SOX5: variants seen among roughly 807,000 people sequenced by gnomAD.
SOX5 encodes SRY-box transcription factor 5, also known as transcription factor SOX-5.
In SOX5, 9 loss-of-function variants were observed where a neutral mutation model predicts 92.0. The ratio of observed to expected loss-of-function variants is 0.10; its 90% CI spans 0.06 to 0.17. The LOEUF is 0.17. SOX5 is among the 10% of genes least tolerant of loss of function. The probability of loss-of-function intolerance (pLI) is 1.00; values close to 1 mark genes in which losing one functional copy is unlikely to be tolerated. For missense variants in SOX5, 642 were observed against 944.5 expected (o/e 0.68, Z 4.20); for synonymous variants, 344 against 336.3 (o/e 1.02, Z -0.25).
At chr12:24,068,322 A>C (rs1183303933) in intron 4 of SOX5, among the ~76,000 whole-genome samples, 1 of 152,170 alleles carries the variant, frequency 6.6e-6, no homozygotes, top group Non-Finnish European at 1.5e-5. Context: ...TGTTCACAAA[A>C]ATTTGGAACC....
chr12:23,669,489 G>T (rs2084389262), intron 6 of SOX5, among the ~76,000 whole-genome samples: 1 of 152,020 alleles, frequency 6.6e-6, no homozygotes, highest in Non-Finnish European at 1.5e-5. Flanking sequence ...TCCCCTGTAG[G>T]CTCTGGGGAA....
chr12:24,246,375 T>TA (rs895877226), intron 3 of SOX5, among the ~76,000 whole-genome samples: 26 of 151,478 alleles, frequency 1.7e-4, no homozygotes, highest in Admixed American at 7.9e-4. Flanking sequence ...GTTTCAAACT[T>TA]AAAAAAAAAT....
At chr12:23,791,283 T>A (rs2095471022) in intron 3 of SOX5, among the ~76,000 whole-genome samples, 1 of 152,186 alleles carries the variant, frequency 6.6e-6, no homozygotes, top group African/African-American at 2.4e-5. Context: ...CAAGTGTGCT[T>A]GAATTTCCAG....
chr12:23,916,108 A>G (rs993233738), intron 1 of SOX5, among the ~76,000 whole-genome samples: 3 of 152,214 alleles, frequency 2.0e-5, no homozygotes, highest in Non-Finnish European at 4.4e-5. Flanking sequence ...AAGAAAAACT[A>G]GTAAGAATTT....
chr12:23,959,531 C>G (rs201471261), intron 4 of SOX5, among the ~76,000 whole-genome samples: 3 of 151,082 alleles, frequency 2.0e-5, no homozygotes, highest in African/African-American at 7.3e-5. Flanking sequence ...TCAAAATCCA[C>G]AAGCCATAAA....
At chr12:24,046,906 CA>C (rs2137066494) in intron 4 of SOX5, among the ~76,000 whole-genome samples, 1 of 151,962 alleles carries the variant, frequency 6.6e-6, no homozygotes, top group Non-Finnish European at 1.5e-5. Context: ...AGGCTGGTCT[CA>C]AACTCCTGAC....
intron 1 of SOX5, among the ~76,000 whole-genome samples, chr12:24,503,390 T>C (rs1201474413): frequency 6.6e-6 from 1 of 152,122 alleles, no homozygotes; most frequent in African/African-American, 2.4e-5. Context: ...TAAAATGAAA[T>C]GATTTGTTTA....
intron 4 of SOX5, among the ~76,000 whole-genome samples, chr12:24,141,162 TA>T (rs1286886876): frequency 2.6e-5 from 4 of 152,174 alleles, no homozygotes; most frequent in Non-Finnish European, 5.9e-5. Context: ...TCTTCATGGC[TA>T]AAAAACAAGG....
intron 10 of SOX5, among the ~76,000 whole-genome samples, chr12:23,570,923 AAAAAAAAATATATAT>A (rs1309432674): frequency 2.1e-4 from 9 of 42,206 alleles, no homozygotes; most frequent in African/African-American, 7.3e-4. Context: ...AAAAAAAAAA[AAAAAAAAATATATAT>A]ATATATATAT....
intron 6 of SOX5, among the ~76,000 whole-genome samples, chr12:23,732,131 C>T (rs1567302749): frequency 6.6e-6 from 1 of 152,026 alleles, no homozygotes; most frequent in African/African-American, 2.4e-5. Flanking sequence ...TTCATGATAG[C>T]AGATTGTATA....
chr12:24,229,201 A>C (rs1017503942), intron 3 of SOX5, among the ~76,000 whole-genome samples: 4 of 152,188 alleles, frequency 2.6e-5, no homozygotes. Context: ...CAGCAACTCC[A>C]CCTAACAAAT....
chr12:23,699,993 G>A (rs1266727657), intron 6 of SOX5, among the ~76,000 whole-genome samples: 1 of 152,062 alleles, frequency 6.6e-6, no homozygotes, highest in African/African-American at 2.4e-5. Context: ...AAAAACATGG[G>A]AAGAAATGAT....
intron 1 of SOX5, among the ~76,000 whole-genome samples, chr12:24,521,193 T>C (rs1950232919): frequency 6.6e-6 from 1 of 152,194 alleles, no homozygotes; most frequent in Non-Finnish European, 1.5e-5. Context: ...TAGCTGGGAT[T>C]ACAGGCGTTT....
chr12:24,172,263 G>C (rs935853888), intron 4 of SOX5, among the ~76,000 whole-genome samples: 1 of 152,046 alleles, frequency 6.6e-6, no homozygotes, highest in African/African-American at 2.4e-5. Flanking sequence ...TGGGCCGGGC[G>C]CAGTGAGTCA....
chr12:23,828,008 A>G (rs1448199901), intron 3 of SOX5, among the ~76,000 whole-genome samples: 1 of 152,194 alleles, frequency 6.6e-6, no homozygotes, highest in Non-Finnish European at 1.5e-5. Context: ...TTTATTCCAC[A>G]TATAGTTAAC....
At chr12:23,620,159 G>C (rs776842172) in intron 8 of SOX5, among the ~76,000 whole-genome samples, 2 of 152,024 alleles carry the variant, frequency 1.3e-5, no homozygotes, top group Non-Finnish European at 2.9e-5. Context: ...ATACATACAG[G>C]AGGAAAAAAA....
At chr12:23,730,906 G>C (rs1459806109) in intron 6 of SOX5, among the ~76,000 whole-genome samples, 1 of 152,120 alleles carries the variant, frequency 6.6e-6, no homozygotes, top group African/African-American at 2.4e-5. Context: ...CTAGATACCT[G>C]GTAAAACATT....
intron 11 of SOX5, among the ~76,000 whole-genome samples, chr12:23,561,487 G>A (rs1361189144): frequency 2.0e-5 from 3 of 152,136 alleles, no homozygotes; most frequent in Admixed American, 6.5e-5. Context: ...CATGGTGGAA[G>A]GCCTAGGATT....
At chr12:24,126,533 A>C (rs569207986) in intron 4 of SOX5, among the ~76,000 whole-genome samples, 1 of 152,302 alleles carries the variant, frequency 6.6e-6, no homozygotes, top group Admixed American at 6.5e-5. Flanking sequence ...AAATTTAATA[A>C]GTTTTCAATC....
Sources: gnomAD v4.1 joint callset for allele counts (sites outside exome capture counted in the v4.1 genomes callset) on GRCh38, gnomAD v4.1.1 for gene constraint, MANE v1.5 for transcripts, NCBI Gene and HGNC (gene_info 2026-07-23, HGNC 2026-07-21) for gene names.